The following SLC30A9 variants were observed in gnomAD, a reference collection of about 807,000 sequenced individuals.
SLC30A9 encodes the protein solute carrier family 30 member 9, also known as proton-coupled zinc antiporter SLC30A9, mitochondrial.
SLC30A9 carries 58 observed loss-of-function variants against 87.5 expected under a neutral mutation model. The ratio of observed to expected loss-of-function variants is 0.66; its 90% confidence interval spans 0.54 to 0.82. The LOEUF is 0.82. Among genes scored for constraint, SLC30A9 ranks in the 40% least tolerant of loss-of-function variants. SLC30A9 has a pLI of 0.00. For missense variants in SLC30A9, 557 were observed against 679.1 expected (o/e 0.82, Z 2.00); for synonymous variants, 234 against 233.0 (o/e 1.00, Z -0.04).
chr4:42,044,265 A>C (rs1717046524), intron 8 of SLC30A9, among the ~76,000 whole-genome samples: 1 of 152,088 alleles, frequency 6.6e-6, no homozygotes, highest in Non-Finnish European at 1.5e-5. Flanking sequence ...ACAGACTGGC[A>C]AATTGGATAA....
chr4:42,032,217 CA>C (rs199535516), intron 6 of SLC30A9, among the ~76,000 whole-genome samples: 1,742 of 152,008 alleles, frequency 0.011, 30 homozygotes, highest in African/African-American at 0.04. Flanking sequence ...GTTACCCCCC[CA>C]CCAGGCCCCA....
intron 9 of SLC30A9, among the ~76,000 whole-genome samples, chr4:42,053,749 TAATGGCTGAAAA>T (rs1717485167): frequency 7.7e-6 from 1 of 129,076 alleles, no homozygotes; most frequent in Non-Finnish European, 1.6e-5. Context: ...GCTTTACTTA[TAATGGCTGAAAA>T]AATTGGAATC....
intron 7 of SLC30A9, among the ~76,000 whole-genome samples, chr4:42,035,919 A>G (rs984537879): frequency 5.9e-5 from 9 of 152,176 alleles, no homozygotes; most frequent in Admixed American, 4.6e-4. Context: ...TATATCCGTC[A>G]TACACACTCT....
intron 1 of SLC30A9, among the ~76,000 whole-genome samples, chr4:42,000,821 T>C (rs1714949911): frequency 6.6e-6 from 1 of 152,070 alleles, no homozygotes; most frequent in African/African-American, 2.4e-5. Flanking sequence ...CTTGACTATC[T>C]GTAATGATGT....
Position 42,001,689 on chromosome 4 carries a change from G to A in SLC30A9, c.183G>A (p.Leu61=), listed in dbSNP as rs2153132951. The change falls in exon 2 of 18, where the codon CTG becomes CTA. Residue 61 remains leucine (L), a synonymous_variant. Transcript: ENST00000264451. ...VPCSHPYIGT[L]SQVKLYSTNV... ...GTAGTCATCCATATATTGGTACCCT[G>A]AGTCAAGTAAAGTTGTACTCCACAA... 6.2e-7 allele frequency: 1 copy of A among 1,609,462 alleles called. No homozygotes were observed. Among genetic ancestry groups the A allele is most frequent in the East Asian group, 2.2e-5 (1 of 44,748 alleles).
At chr4:42,046,066 G>A (rs1717136281) in intron 8 of SLC30A9, among the ~76,000 whole-genome samples, 1 of 152,168 alleles carries the variant, frequency 6.6e-6, no homozygotes, top group Non-Finnish European at 1.5e-5. Flanking sequence ...CTTAAACTAG[G>A]TATTGGCAGA....
At position 42,086,235 on chromosome 4, in the gene SLC30A9, C is replaced by G. The variant is rs1159845527; in HGVS notation, c.*109C>G. On this transcript the variant is annotated 3_prime_UTR_variant, in exon 18 of 18. Coordinates refer to ENST00000264451, the MANE Select transcript of SLC30A9 (RefSeq NM_006345.4). ...TGAAAGACTCAGTGCCATGCAGAAG[C>G]CTTTTTTTTAAGATGAAGGAAATAT... is the stretch of plus-strand genomic sequence containing the variant. The G allele has an allele frequency of 1.6e-5, 9 of 578,142 alleles. No homozygotes were observed. In the East Asian group the frequency reaches 1.7e-4, roughly 11 times the overall value. The allele number at this position is 578,142 out of a possible 1,614,324, so 35.8% of individuals were successfully genotyped here.
At chr4:42,062,932 T>G in intron 10 of SLC30A9, 54 bp from the exon 11 acceptor site, 2 of 1,512,312 alleles carry the variant, frequency 1.3e-6, no homozygotes, top group Non-Finnish European at 1.8e-6. Context: ...GCACATATAT[T>G]TTAAAAGAAA....
At chr4:42,065,185 A>C in intron 11 of SLC30A9, 125 bp from the exon 12 acceptor site, 1 of 644,178 alleles carries the variant, frequency 1.6e-6, no homozygotes, top group Non-Finnish European at 2.8e-6. Context: ...GTTTCCCATT[A>C]GTAACCTTAC....
At chr4:42,005,718 C>T (rs1000189629) in intron 2 of SLC30A9, among the ~76,000 whole-genome samples, 4 of 152,104 alleles carry the variant, frequency 2.6e-5, no homozygotes, top group African/African-American at 9.7e-5. Context: ...TTGGCCTTTT[C>T]GTATCATTTT....
chr4:42,079,810 G>T (rs1189698317), intron 17 of SLC30A9, among the ~76,000 whole-genome samples: 1 of 151,772 alleles, frequency 6.6e-6, no homozygotes, highest in Non-Finnish European at 1.5e-5. Context: ...TAGAGACAGG[G>T]TTTCACTATG....
intron 2 of SLC30A9, among the ~76,000 whole-genome samples, chr4:42,012,272 CT>C (rs1715478013): frequency 6.6e-6 from 1 of 152,076 alleles, no homozygotes; most frequent in Non-Finnish European, 1.5e-5. Context: ...CTGAAGTAGA[CT>C]TTTTACCTGC....
intron 11 of SLC30A9, among the ~76,000 whole-genome samples, chr4:42,064,922 G>A (rs374278310): frequency 7.9e-5 from 12 of 151,716 alleles, no homozygotes; most frequent in Admixed American, 2.0e-4. Context: ...ATACACCCCT[G>A]TCTAAAGCTT....
intron 8 of SLC30A9, among the ~76,000 whole-genome samples, chr4:42,044,550 A>G (rs1302177938): frequency 1.3e-5 from 2 of 152,344 alleles, no homozygotes; most frequent in East Asian, 3.9e-4. Context: ...ATAGAGGAGC[A>G]CCCAGATTCA....
intron 2 of SLC30A9, among the ~76,000 whole-genome samples, chr4:42,002,174 ATATGTTTGTATCCTATTTCGTCAATTTT>A (rs1715013846): frequency 6.6e-6 from 1 of 150,628 alleles, no homozygotes; most frequent in African/African-American, 2.4e-5. Flanking sequence ...TTGAACCATT[ATATGTTTGTATCCTATTTCGTCAATTTT>A]TACTTTTTAA....
rs773093581 is a variant in SLC30A9 at position 42,060,246 on chromosome 4, C to T, written c.896C>T (p.Pro299Leu). The change falls in exon 10 of 18, where the codon CCG becomes CTG. Residue 299 changes from proline to leucine, a missense_variant and splice_region_variant. Physicochemically the swap from Pro to Leu is moderately conservative, Grantham distance 98. Transcript: ENST00000264451. ...KSVQTPDPSH[P>L]YGFSNMRYIS... ...GTTCAAACACCAGATCCTTCTCATC[C>T]GTAAGGACATTGCCTTATTTTGTTT... 8 of 1,607,926 alleles carry T rather than the reference C, an allele frequency of 5.0e-6. No individual in the cohort carries two copies. The highest frequency in any genetic ancestry group is 1.3e-5 in the African/African-American group (1 of 74,914).
At chr4:42,050,218 G>A (rs963403449) in intron 9 of SLC30A9, among the ~76,000 whole-genome samples, 71 of 151,980 alleles carry the variant, frequency 4.7e-4, no homozygotes, top group African/African-American at 1.7e-3. Context: ...CAAATCAGAT[G>A]GATTAAAACC....
chr4:42,067,174 G>C lies in SLC30A9; in HGVS notation c.1234G>C (p.Gly412Arg), dbSNP rs1408377459. The change falls in exon 14 of 18, where the codon GGC becomes CGC. Residue 412 changes from glycine to arginine, a missense_variant. Gly to Arg is a moderately radical substitution (Grantham distance 125). This residue lies in a region of SLC30A9 where 467 missense variants were observed against 529.8 expected (regional missense o/e 0.88). Transcript: ENST00000264451. ...AGTTATAATAGCAGCCACTTGCATGGGCCTTACTTCTATAACAGGTAAATA... is the reference window on the plus strand; with the variant it reads ...AGTTATAATAGCAGCCACTTGCATGCGCCTTACTTCTATAACAGGTAAATA... ...LGVIIAATCM[G>R]LTSITGNPLY... 1.9e-6 allele frequency: 3 copies of C among 1,597,838 alleles called. No homozygotes were observed. The highest frequency in any genetic ancestry group is 2.6e-6 in the Non-Finnish European group (3 of 1,165,732).
intron 6 of SLC30A9, among the ~76,000 whole-genome samples, chr4:42,027,063 C>T (rs1273567240): frequency 3.3e-5 from 5 of 152,158 alleles, no homozygotes; most frequent in East Asian, 1.9e-4. Flanking sequence ...TAACTTTTGC[C>T]GGTGTTACGG....
Sources: gnomAD v4.1 joint callset for allele counts (sites outside exome capture counted in the v4.1 genomes callset) on GRCh38, gnomAD v4.1.1 for gene constraint, gnomAD v4.1.1 regional missense constraint, MANE v1.5 for transcripts, NCBI Gene and HGNC (gene_info 2026-07-23, HGNC 2026-07-21) for gene names.